The following CUL4B variants were observed in gnomAD, a reference collection of about 807,000 sequenced individuals.
CUL4B encodes cullin 4B.
Under a neutral mutation model 69.2 loss-of-function variants are expected in CUL4B, and 1 was observed. The ratio of observed to expected loss-of-function variants is 0.01; its 90% CI spans 0.01 to 0.07. The LOEUF (loss-of-function observed/expected upper bound fraction) is 0.07. Among genes scored for constraint, CUL4B ranks in the 10% least tolerant of loss-of-function variants. CUL4B has a pLI of 1.00. For missense variants in CUL4B, 328 were observed against 638.8 expected, an observed-to-expected ratio of 0.51 and a Z score of 5.24; for synonymous variants, 237 against 223.2, an observed-to-expected ratio of 1.06 and a Z score of -0.55.
intron 2 of CUL4B, among the ~76,000 whole-genome samples, chrX:120,572,867 G>C (rs769059016): frequency 9.0e-6 from 1 of 110,660 alleles, no homozygotes; most frequent in Non-Finnish European, 1.9e-5. Context: ...CTTACCTTAC[G>C]TTGCTGGACT....
intron 2 of CUL4B, among the ~76,000 whole-genome samples, chrX:120,547,888 TG>T (rs1305708785): frequency 7.2e-5 from 8 of 110,821 alleles, no homozygotes; most frequent in African/African-American, 2.6e-4. Context: ...CCATGCTGGA[TG>T]CTTCCTGCCC....
At position 120,530,274 on chromosome X, in the gene CUL4B, C is replaced by A. The variant is rs755868778; in HGVS notation, c.2440-20G>T. Reference sequence around the variant, plus strand: ...TTCAACCTAACAAAAAAGTTTTAAACCTAGGAATTATACCAGAAGCAAAAC... The same window carrying A: ...TTCAACCTAACAAAAAAGTTTTAAAACTAGGAATTATACCAGAAGCAAAAC... On this transcript the variant is annotated intron_variant, in intron 18 of 19. Coordinates refer to ENST00000371322, the MANE Select transcript of CUL4B (RefSeq NM_001079872.2). The A allele has an allele frequency of 8.3e-7, 1 of 1,201,521 alleles. No homozygotes were observed. The highest frequency in any genetic ancestry group is 1.8e-5 in the South Asian group (1 of 56,683).
At chrX:120,559,787 T>C in intron 1 of CUL4B, 1 of 1,079,219 alleles carries the variant, frequency 9.3e-7, no homozygotes, top group Non-Finnish European at 1.2e-6. Flanking sequence ...ACCTGCAAAA[T>C]CCGGATCAAT....
chrX:120,559,638 T>G (rs1925166922), intron 1 of CUL4B: 1 of 300,088 alleles, frequency 3.3e-6, no homozygotes, highest in Non-Finnish European at 5.8e-6. Context: ...TATTTGAGCA[T>G]AAAAAGATCA....
rs190477542 is a variant in CUL4B at position 120,542,538 on chromosome X, G to A, written c.1324+428C>T. 3.6e-5 allele frequency among the ~76,000 whole-genome samples: 4 copies of A among 111,881 alleles called. No individual in the cohort carries two copies. The South Asian group carries it at 1.1e-3, about 31-fold the overall frequency. ...CCATGAACAACAAAAAACCCTCACC[G>A]CTTTAGTGTAAAAAGGAATACCTTT... is the stretch of plus-strand genomic sequence containing the variant. On this transcript the variant is annotated intron_variant, in intron 9 of 19. Transcript: ENST00000371322.
intron 17 of CUL4B, among the ~76,000 whole-genome samples, chrX:120,533,111 C>T (rs1400661612): frequency 8.9e-6 from 1 of 112,394 alleles, no homozygotes; most frequent in Non-Finnish European, 1.9e-5. Context: ...CTAACCTTCT[C>T]AGTTGGGAAA....
In CUL4B at chrX:120,540,496, A is replaced by C; in HGVS notation, c.1510T>G (p.Phe504Val). Residue 504 changes from phenylalanine to valine, a missense_variant, in exon 11 of 20, where the codon TTT becomes GTT. Phe to Val is a conservative substitution (Grantham distance 50, BLOSUM62 -1). Transcript: ENST00000371322. ...DKTMVQELLDFKDKVDHIIDI... is the reference protein window; with the variant it reads ...DKTMVQELLDVKDKVDHIIDI... ...ATTATATGGTCAACCTTATCTTTAA[A>C]ATCCAGCAATTCTTGAACCATGGTT... 1 of 1,206,175 alleles carries C rather than the reference A, an allele frequency of 8.3e-7. No individual in the cohort carries two copies. The highest frequency in any genetic ancestry group is 1.8e-5 in the South Asian group (1 of 56,399).
At chrX:120,537,069 A>G in intron 14 of CUL4B, 35 bp from the exon 15 acceptor site, 1 of 948,605 alleles carries the variant, frequency 1.1e-6, no homozygotes, top group Non-Finnish European at 1.5e-6. Context: ...TGAGATCTTA[A>G]AACTGCATAC....
chrX:120,547,597 A>G (rs933176020), intron 2 of CUL4B, among the ~76,000 whole-genome samples: 3 of 111,999 alleles, frequency 2.7e-5, no homozygotes, highest in Non-Finnish European at 5.6e-5. Context: ...TGGGGGGCCA[A>G]GGTGAGAGGA....
chrX:120,530,072 C>A, intron 19 of CUL4B, 30 bp downstream of exon 19: 1 of 1,187,873 alleles, frequency 8.4e-7, no homozygotes, highest in Non-Finnish European at 1.1e-6. Flanking sequence ...ATTTATAACA[C>A]GCTCAATAGG....
chrX:120,558,527 A>G (rs1355490790), intron 1 of CUL4B, among the ~76,000 whole-genome samples: 1 of 112,022 alleles, frequency 8.9e-6, no homozygotes, highest in African/African-American at 3.2e-5. Context: ...AGGTCATCAT[A>G]GCTAGTCAAT....
chrX:120,536,052 T>A, intron 15 of CUL4B, 109 bp from the exon 16 acceptor site: 1 of 533,244 alleles, frequency 1.9e-6, no homozygotes, highest in South Asian at 2.6e-5. Flanking sequence ...TAAGACTATA[T>A]CCAGTAGGTC....
rs757688679 is a variant in CUL4B at position 120,532,842 on chromosome X, C to T, written c.2267-248G>A. Among the ~76,000 whole-genome samples the T allele has an allele frequency of 3.4e-3, 377 of 111,534 alleles. 1 individual carries two copies. Among genetic ancestry groups the T allele is most frequent in the African/African-American group, 0.012 (361 of 30,701 alleles). ...AAACTCCTGAGCTCAAGTGATCCAC[C>T]CGCCTTGGCCTCCCAAAGTGCTGGG... On this transcript the variant is annotated intron_variant, in intron 17 of 19. Transcript: ENST00000371322.
chrX:120,541,228 G>T (rs1337498169), intron 10 of CUL4B, among the ~76,000 whole-genome samples: 2 of 112,524 alleles, frequency 1.8e-5, no homozygotes, highest in Non-Finnish European at 3.8e-5. Context: ...GTCCGGGTGT[G>T]GTGGCTCACG....
rs1569396573 is a variant in CUL4B at position 120,560,551 on chromosome X, T to C, written c.88A>G (p.Thr30Ala). 8.3e-7 allele frequency: 1 copy of C among 1,208,680 alleles called. No individual in the cohort carries two copies. The highest frequency in any genetic ancestry group is 1.1e-6 in the Non-Finnish European group (1 of 894,104). The change falls in exon 1 of 20, where the codon ACC becomes GCC. Residue 30 changes from threonine to alanine, a missense_variant. By Grantham distance (58) the Thr-to-Ala change is moderately conservative (BLOSUM62 0). Coordinates refer to ENST00000371322, the MANE Select transcript of CUL4B (RefSeq NM_001079872.2). ...VRSATDGNTS[T>A]TPPTSAKKRK... ...TTCTTGGCAGAGGTGGGCGGAGTGG[T>C]GCTGGTATTACCATCAGTGGCAGAT...
At chrX:120,536,817 C>T (rs1313934939) in intron 15 of CUL4B, 110 bp downstream of exon 15, 14 of 550,686 alleles carry the variant, frequency 2.5e-5, no homozygotes, top group Admixed American at 8.0e-5. Flanking sequence ...AGCAATACAG[C>T]GAGACCCTGG....
At chrX:120,561,001 G>A, upstream of CUL4B, 4 of 964,566 alleles carry the variant, frequency 4.1e-6, no homozygotes, top group Non-Finnish European at 5.2e-6. Context: ...CCCTCTCCCT[G>A]GGAGGGGAGA....
intron 13 of CUL4B, 81 bp from the exon 14 acceptor site, chrX:120,538,290 A>G: frequency 1.6e-6 from 1 of 631,124 alleles, no homozygotes; most frequent in Non-Finnish European, 2.5e-6. Context: ...CACGAAATAC[A>G]AAACTTTAGT....
chrX:120,540,721 T>C (rs1316786947), intron 10 of CUL4B, among the ~76,000 whole-genome samples, 159 bp from the exon 11 acceptor site: 2 of 112,246 alleles, frequency 1.8e-5, no homozygotes, highest in Non-Finnish European at 3.8e-5. Context: ...CAGGCTAGTC[T>C]GAAACTCCTA....
Sources: gnomAD v4.1 joint callset for allele counts (sites outside exome capture counted in the v4.1 genomes callset) on GRCh38, gnomAD v4.1.1 for gene constraint, MANE v1.5 for transcripts, NCBI Gene and HGNC (gene_info 2026-07-23, HGNC 2026-07-21) for gene names.